Variants in GRAMD1B observed in about 807,000 individuals in gnomAD.
GRAMD1B encodes the protein GRAM domain containing 1B.
Under a neutral mutation model 99.7 loss-of-function variants are expected in GRAMD1B, and 37 were observed. The ratio of observed to expected loss-of-function variants is 0.37; its 90% CI spans 0.29 to 0.49. The LOEUF is 0.49. GRAMD1B is among the 20% of genes least tolerant of loss of function. GRAMD1B has a pLI of 0.98. For missense variants in GRAMD1B, 888 were observed against 1,009.2 expected (o/e 0.88, Z 1.63); for synonymous variants, 427 against 387.6 (o/e 1.10, Z -1.19).
intron 1 of GRAMD1B, among the ~76,000 whole-genome samples, chr11:123,363,380 T>C (rs898567306): frequency 2.0e-5 from 3 of 152,172 alleles, no homozygotes; most frequent in African/African-American, 4.8e-5. Flanking sequence ...GATAAGAAGG[T>C]ATCCTCAAGA....
intron 19 of GRAMD1B, among the ~76,000 whole-genome samples, chr11:123,620,883 T>G (rs780063579): frequency 6.6e-6 from 1 of 152,178 alleles, no homozygotes; most frequent in Non-Finnish European, 1.5e-5. Flanking sequence ...ATTCCAACAT[T>G]GAAAGTGTTC....
chr11:123,472,047 CAT>C (rs1207820911), intron 1 of GRAMD1B, among the ~76,000 whole-genome samples: 2 of 151,972 alleles, frequency 1.3e-5, no homozygotes, highest in Admixed American at 1.3e-4. Flanking sequence ...CCAGGTGGAT[CAT>C]TTGAGGCCAG....
chr11:123,498,029 AG>A (rs544698934), intron 2 of GRAMD1B, among the ~76,000 whole-genome samples: 219 of 152,150 alleles, frequency 1.4e-3, no homozygotes, highest in African/African-American at 5.1e-3. Flanking sequence ...ACCGGCCAAC[AG>A]GGGGTTTTGC....
At chr11:123,598,783 C>T (rs1951599085) in intron 7 of GRAMD1B, 1 of 954,528 alleles carries the variant, frequency 1.0e-6, no homozygotes, top group African/African-American at 1.6e-5. Flanking sequence ...GGAAAGATCC[C>T]ATTCTCCCAT....
At chr11:123,438,534 G>A (rs1439228013) in intron 1 of GRAMD1B, among the ~76,000 whole-genome samples, 1 of 152,240 alleles carries the variant, frequency 6.6e-6, no homozygotes, top group South Asian at 2.1e-4. Context: ...GAATCAGCTA[G>A]CGCCTGGCTG....
chr11:123,468,012 C>CA (rs577899700), intron 1 of GRAMD1B, among the ~76,000 whole-genome samples: 325 of 151,880 alleles, frequency 2.1e-3, no homozygotes, highest in Admixed American at 3.2e-3. Context: ...TACAGGCATG[C>CA]CCACCACACT....
At chr11:123,619,291 G>T in intron 19 of GRAMD1B, 67 bp downstream of exon 19, 1 of 1,541,616 alleles carries the variant, frequency 6.5e-7, no homozygotes. Flanking sequence ...CTTATGCTGT[G>T]AGAAAGATCC....
At chr11:123,433,815 CTATG>C (rs1949027188) in intron 1 of GRAMD1B, among the ~76,000 whole-genome samples, 2 of 146,928 alleles carry the variant, frequency 1.4e-5, no homozygotes, top group Admixed American at 7.1e-5. Flanking sequence ...CGAGAGTTGT[CTATG>C]TGTGTAGTGG....
chr11:123,599,447 C>T (rs116741851), intron 7 of GRAMD1B: 707 of 640,544 alleles, frequency 1.1e-3, no homozygotes, highest in African/African-American at 8.5e-3. Flanking sequence ...CCAGTATTGT[C>T]TCCATCTTCC....
upstream of GRAMD1B, among the ~76,000 whole-genome samples, chr11:123,425,384 A>G (rs1948612597): frequency 6.6e-6 from 1 of 152,224 alleles, no homozygotes; most frequent in South Asian, 2.1e-4. Flanking sequence ...CCTGGTTTGC[A>G]CATAAGTCCT....
chr11:123,400,019 T>G (rs1947604252), intron 1 of GRAMD1B, among the ~76,000 whole-genome samples: 1 of 152,236 alleles, frequency 6.6e-6, no homozygotes, highest in Non-Finnish European at 1.5e-5. Flanking sequence ...GAGAAATGTC[T>G]ACTAATGTCT....
intron 1 of GRAMD1B, among the ~76,000 whole-genome samples, chr11:123,447,001 A>C (rs577563741): frequency 6.6e-6 from 1 of 152,264 alleles, no homozygotes; most frequent in East Asian, 1.9e-4. Flanking sequence ...AAGGCAAGAA[A>C]AGATGGTTAC....
intron 1 of GRAMD1B, among the ~76,000 whole-genome samples, chr11:123,474,179 C>T (rs1389701746): frequency 2.0e-5 from 3 of 152,214 alleles, no homozygotes; most frequent in Non-Finnish European, 4.4e-5. Context: ...CACCAAGGGC[C>T]TGCTACTGCC....
intron 2 of GRAMD1B, among the ~76,000 whole-genome samples, chr11:123,539,578 G>A (rs1229174746): frequency 6.6e-6 from 1 of 152,082 alleles, no homozygotes; most frequent in Non-Finnish European, 1.5e-5. Context: ...CTCCAGCCTG[G>A]GTGACAGAGA....
chr11:123,586,403 C>T (rs1385710833), intron 4 of GRAMD1B, among the ~76,000 whole-genome samples: 1 of 152,202 alleles, frequency 6.6e-6, no homozygotes, highest in Non-Finnish European at 1.5e-5. Flanking sequence ...CCTCTCATCC[C>T]AAGTGCATTA....
At chr11:123,445,687 C>T (rs919292537) in intron 1 of GRAMD1B, among the ~76,000 whole-genome samples, 23 of 151,798 alleles carry the variant, frequency 1.5e-4, no homozygotes, top group South Asian at 2.1e-4. Context: ...CATGGTGGCA[C>T]GCGCCTGTAG....
At chr11:123,363,669 A>C (rs1451816954) in intron 1 of GRAMD1B, among the ~76,000 whole-genome samples, 2 of 152,134 alleles carry the variant, frequency 1.3e-5, no homozygotes, top group Middle Eastern at 3.2e-3. Context: ...GCGGCTAAAA[A>C]TGGCTCACTT....
chr11:123,590,148 C>A (rs946439380), intron 4 of GRAMD1B, among the ~76,000 whole-genome samples: 1 of 152,104 alleles, frequency 6.6e-6, no homozygotes, highest in Non-Finnish European at 1.5e-5. Flanking sequence ...TGGGCTTGGT[C>A]CCCCTCTTGC....
At chr11:123,376,423 C>T (rs1344641436) in intron 1 of GRAMD1B, among the ~76,000 whole-genome samples, 2 of 152,110 alleles carry the variant, frequency 1.3e-5, no homozygotes, top group Non-Finnish European at 2.9e-5. Flanking sequence ...GCCTCTTCTC[C>T]GTTGTTAATA....
Sources: allele counts gnomAD v4.1 joint callset (sites outside exome capture counted in the v4.1 genomes callset), GRCh38; gene constraint gnomAD v4.1.1; transcripts MANE v1.5; gene names NCBI Gene and HGNC (gene_info 2026-07-23, HGNC 2026-07-21).